The following PIK3C2G variants were observed in gnomAD, a reference collection of about 807,000 sequenced individuals.
The protein encoded by PIK3C2G is phosphatidylinositol 3-kinase C2 domain-containing subunit gamma.
PIK3C2G carries 168 observed loss-of-function variants against 181.1 expected under a neutral mutation model. The ratio of observed to expected loss-of-function variants is 0.93; its 90% CI spans 0.82 to 1.05. PIK3C2G has a LOEUF of 1.05. Ranked by LOEUF, PIK3C2G falls within the 50% of genes least tolerant of loss-of-function variation. The pLI is 0.00. For missense variants in PIK3C2G, 1,869 were observed against 1,732.8 expected (o/e 1.08, Z -1.40); for synonymous variants, 573 against 592.2 (o/e 0.97, Z 0.47).
the PIK3C2G span, among the ~76,000 whole-genome samples, chr12:18,686,890 A>T: frequency 6.6e-6 from 1 of 152,090 alleles, no homozygotes; most frequent in South Asian, 2.1e-4. Flanking sequence ...CTGCAAGGAT[A>T]TTCCCATAAA....
chr12:18,699,540 A>G, the PIK3C2G span, among the ~76,000 whole-genome samples: 15 of 152,050 alleles, frequency 9.9e-5, no homozygotes, highest in Admixed American at 9.8e-4. Flanking sequence ...ACAGCCCCCC[A>G]GCCCTCAACA....
chr12:18,431,105 G>A (rs1291722062), intron 18 of PIK3C2G, among the ~76,000 whole-genome samples: 1 of 152,056 alleles, frequency 6.6e-6, no homozygotes, highest in Non-Finnish European at 1.5e-5. Context: ...TCCACAATAC[G>A]TATCCCCTAA....
At chr12:18,406,434 T>G (rs1171925226) in intron 16 of PIK3C2G, among the ~76,000 whole-genome samples, 1 of 152,170 alleles carries the variant, frequency 6.6e-6, no homozygotes, top group African/African-American at 2.4e-5. Context: ...ATAGTGAAGT[T>G]AGATTCCATA....
upstream of PIK3C2G, among the ~76,000 whole-genome samples, chr12:18,246,075 C>A (rs1187310526): frequency 6.6e-6 from 1 of 152,100 alleles, no homozygotes; most frequent in African/African-American, 2.4e-5. Flanking sequence ...TTAGAAGTAT[C>A]TTTATCTCAA....
intron 18 of PIK3C2G, among the ~76,000 whole-genome samples, chr12:18,451,520 A>G (rs932664958): frequency 6.6e-6 from 1 of 152,190 alleles, no homozygotes; most frequent in African/African-American, 2.4e-5. Context: ...TCATCTGCAA[A>G]CAGAGACAAT....
At chr12:18,500,535 C>T (rs1382051750) in intron 22 of PIK3C2G, among the ~76,000 whole-genome samples, 3 of 152,186 alleles carry the variant, frequency 2.0e-5, no homozygotes, top group South Asian at 2.1e-4. Flanking sequence ...TGTGGGCGCA[C>T]GGCGCAGGAC....
chr12:18,280,127 A>T (rs2137109915), intron 1 of PIK3C2G, among the ~76,000 whole-genome samples: 1 of 152,152 alleles, frequency 6.6e-6, no homozygotes, highest in South Asian at 2.1e-4. Flanking sequence ...AAGTGAAGCA[A>T]ATACTTCACG....
intron 18 of PIK3C2G, among the ~76,000 whole-genome samples, chr12:18,461,987 C>T (rs1005629363): frequency 6.6e-6 from 1 of 152,180 alleles, no homozygotes; most frequent in African/African-American, 2.4e-5. Flanking sequence ...ATCTTCTCTT[C>T]CCTCTGACCC....
intron 29 of PIK3C2G, among the ~76,000 whole-genome samples, chr12:18,569,801 C>T (rs944671911): frequency 4.6e-5 from 7 of 152,122 alleles, no homozygotes; most frequent in Non-Finnish European, 1.0e-4. Flanking sequence ...GAACTCTTAG[C>T]TTGCATTTTC....
intron 29 of PIK3C2G, among the ~76,000 whole-genome samples, chr12:18,591,627 G>T (rs1947084970): frequency 6.6e-6 from 1 of 151,888 alleles, no homozygotes; most frequent in Non-Finnish European, 1.5e-5. Flanking sequence ...GGTGAGAGAA[G>T]AACATAGGGA....
the PIK3C2G span, among the ~76,000 whole-genome samples, chr12:18,707,664 C>A: frequency 6.6e-6 from 1 of 152,064 alleles, no homozygotes; most frequent in South Asian, 2.1e-4. Context: ...GCAACTAGAC[C>A]AAGTTATGAC....
intron 13 of PIK3C2G, among the ~76,000 whole-genome samples, chr12:18,376,181 C>G (rs1942425865): frequency 6.6e-6 from 1 of 152,170 alleles, no homozygotes; most frequent in Admixed American, 6.5e-5. Context: ...GGTAGAGCCA[C>G]CAGCAGCTTA....
intron 31 of PIK3C2G, among the ~76,000 whole-genome samples, chr12:18,615,377 A>ATGTATG (rs1565565164): frequency 9.0e-6 from 1 of 111,640 alleles, no homozygotes; most frequent in African/African-American, 3.1e-5. Context: ...GTGTATGTGT[A>ATGTATG]TATATATATA....
chr12:18,654,738 A>G, the PIK3C2G span, among the ~76,000 whole-genome samples: 1 of 152,178 alleles, frequency 6.6e-6, no homozygotes, highest in East Asian at 1.9e-4. Context: ...TATCTTTTAC[A>G]TGGGACTTTC....
At chr12:18,354,632 C>G (rs1940544765) in intron 11 of PIK3C2G, among the ~76,000 whole-genome samples, 1 of 152,182 alleles carries the variant, frequency 6.6e-6, no homozygotes, top group Admixed American at 6.5e-5. Context: ...TGGTTCCCTC[C>G]TGAGGCCAAG....
intron 31 of PIK3C2G, among the ~76,000 whole-genome samples, chr12:18,635,513 A>G (rs1380244268): frequency 6.6e-6 from 1 of 152,170 alleles, no homozygotes; most frequent in Non-Finnish European, 1.5e-5. Context: ...GCATTCAGTC[A>G]CCACTAAGGC....
intron 28 of PIK3C2G, among the ~76,000 whole-genome samples, chr12:18,565,808 G>A (rs1253047106): frequency 6.6e-6 from 1 of 152,038 alleles, no homozygotes; most frequent in Non-Finnish European, 1.5e-5. Flanking sequence ...GTAGACTTCT[G>A]TTTTGTTCTA....
intron 1 of PIK3C2G, among the ~76,000 whole-genome samples, chr12:18,278,307 T>C (rs1446880661): frequency 6.6e-6 from 1 of 152,166 alleles, no homozygotes; most frequent in East Asian, 1.9e-4. Context: ...CTTATGTTCC[T>C]AGCCATGTGG....
intron 17 of PIK3C2G, among the ~76,000 whole-genome samples, chr12:18,423,675 G>A (rs1052204548): frequency 5.9e-5 from 9 of 151,928 alleles, no homozygotes; most frequent in African/African-American, 2.2e-4. Flanking sequence ...TTCTCCCCTG[G>A]TACATGGTTG....
Sources: gnomAD v4.1 joint callset for allele counts (sites outside exome capture counted in the v4.1 genomes callset) on GRCh38, gnomAD v4.1.1 for gene constraint, MANE v1.5 for transcripts, NCBI Gene and HGNC (gene_info 2026-07-23, HGNC 2026-07-21) for gene names.